ABR: variants seen among roughly 807,000 people sequenced by gnomAD.
ABR encodes ABR activator of RhoGEF and GTPase.
A neutral mutation model predicts 107.2 loss-of-function variants in ABR; 35 were observed. The observed-to-expected ratio is 0.33, with a 90% CI of 0.25 to 0.43. The LOEUF (loss-of-function observed/expected upper bound fraction) is 0.43, where lower values mean the gene tolerates loss of function less well. Among genes scored for constraint, ABR ranks in the 20% least tolerant of loss-of-function variants. The pLI is 1.00. For missense variants in ABR, 815 were observed against 1,115.2 expected, an observed-to-expected ratio of 0.73 and a Z score of 3.83; for synonymous variants, 498 against 462.0, an observed-to-expected ratio of 1.08 and a Z score of -1.00.
chr17:1,228,986 C>T (rs1015201321), exon 1 of ABR: 3 of 151,634 alleles, frequency 2.0e-5, no homozygotes, highest in Non-Finnish European at 4.4e-5. Flanking sequence ...CCTCGGCCTC[C>T]CGCTGCTCCA....
chr17:1,075,244 C>T (rs2035604052), intron 6 of ABR, among the ~76,000 whole-genome samples: 1 of 152,274 alleles, frequency 6.6e-6, no homozygotes, highest in African/African-American at 2.4e-5. Context: ...TTCAGTCCTG[C>T]ACCTGGATGC....
chr17:1,118,054 C>T (rs553353320), intron 2 of ABR, among the ~76,000 whole-genome samples: 1 of 40,362 alleles, frequency 2.5e-5, no homozygotes, highest in African/African-American at 1.2e-4. Flanking sequence ...TTCCTCCCAG[C>T]GTTATCCCTG....
chr17:1,048,294 T>C (rs983515895), intron 16 of ABR, among the ~76,000 whole-genome samples: 1 of 152,218 alleles, frequency 6.6e-6, no homozygotes, highest in South Asian at 2.1e-4. Context: ...ACGGGGCGTA[T>C]GCGGCAGAGG....
intron 16 of ABR, among the ~76,000 whole-genome samples, chr17:1,033,802 T>A (rs1019015634): frequency 5.9e-5 from 9 of 152,014 alleles, no homozygotes; most frequent in African/African-American, 2.2e-4. Flanking sequence ...GGAACATGCC[T>A]GTGTCCCCTA....
chr17:1,023,592 C>G (rs1483322575), intron 16 of ABR, among the ~76,000 whole-genome samples: 1 of 152,210 alleles, frequency 6.6e-6, no homozygotes, highest in Non-Finnish European at 1.5e-5. Flanking sequence ...AAAGGGGCGC[C>G]CTCAGAGGTC....
chr17:1,155,216 A>G (rs58372168), intron 1 of ABR, among the ~76,000 whole-genome samples: 232 of 152,216 alleles, frequency 1.5e-3, no homozygotes, highest in African/African-American at 5.4e-3. Flanking sequence ...AGACACACAG[A>G]TCCACGGAGT....
At chr17:1,053,999 G>T (rs1280399688) in intron 14 of ABR, among the ~76,000 whole-genome samples, 1 of 152,184 alleles carries the variant, frequency 6.6e-6, no homozygotes, top group Non-Finnish European at 1.5e-5. Flanking sequence ...GGTGTTCCCG[G>T]CCAGACATCG....
chr17:1,067,031 C>T (rs374747993), intron 10 of ABR, 46 bp downstream of exon 10: 6 of 1,600,796 alleles, frequency 3.7e-6, no homozygotes, highest in Non-Finnish European at 3.4e-6. Context: ...TCCCCCAACA[C>T]AGCTGGCTCA....
intron 16 of ABR, among the ~76,000 whole-genome samples, chr17:1,021,530 G>T (rs576382934): frequency 0.024 from 3,681 of 152,342 alleles, 66 homozygotes; most frequent in Non-Finnish European, 0.033. Flanking sequence ...CTTCAGCCAG[G>T]TGCGGTGGCT....
chr17:1,062,592 G>A (rs1221894751), intron 10 of ABR, among the ~76,000 whole-genome samples: 1 of 137,870 alleles, frequency 7.3e-6, no homozygotes, highest in Non-Finnish European at 1.6e-5. Flanking sequence ...TGTGAACTGA[G>A]GGTTATGCAT....
chr17:1,008,620 T>A (rs1344917745), intron 21 of ABR, among the ~76,000 whole-genome samples: 1 of 152,154 alleles, frequency 6.6e-6, no homozygotes, highest in Non-Finnish European at 1.5e-5. Context: ...TGTTTCATGA[T>A]GGGAAAAACA....
chr17:1,186,588 G>A (rs879894535), intron 1 of ABR, among the ~76,000 whole-genome samples: 2 of 152,216 alleles, frequency 1.3e-5, no homozygotes, highest in Non-Finnish European at 2.9e-5. Flanking sequence ...AGGGGCCACA[G>A]CAAGGGCAGC....
exon 1 of ABR, among the ~76,000 whole-genome samples, chr17:1,229,669 C>T (rs977754759): frequency 5.3e-5 from 8 of 152,042 alleles, no homozygotes; most frequent in African/African-American, 1.9e-4. Flanking sequence ...CCCCGCGGCC[C>T]CCGAAGAGAC....
intron 1 of ABR, among the ~76,000 whole-genome samples, chr17:1,220,067 G>A (rs1344230521): frequency 1.3e-5 from 2 of 148,946 alleles, no homozygotes; most frequent in African/African-American, 2.4e-5. Context: ...GGAGGCGGGC[G>A]GATCACGAGG....
intron 3 of ABR, among the ~76,000 whole-genome samples, chr17:1,093,603 G>C (rs773948974): frequency 6.6e-6 from 1 of 152,164 alleles, no homozygotes; most frequent in Non-Finnish European, 1.5e-5. Context: ...TTTCCGACAA[G>C]AGAAGCATTC....
rs957603245 is a variant in ABR at position 1,071,822 on chromosome 17, T to C, written c.894+792A>G. ...CCTCCAGACAGTCCCAGGTGAGGAA[T>C]CCAGCTCTGACACCAGTGGCTGAAA... On this transcript the variant is annotated intron_variant, in intron 8 of 22. Transcript: ENST00000302538. This position sits in a 1 kb window ranked among gnomAD's most constrained non-coding sequence, Gnocchi z 5.1. Among the ~76,000 whole-genome samples, 1 of 152,220 alleles carries C rather than the reference T, an allele frequency of 6.6e-6. No homozygotes were observed. The highest frequency in any genetic ancestry group is 1.5e-5 in the Non-Finnish European group (1 of 68,028).
intron 5 of ABR, among the ~76,000 whole-genome samples, chr17:1,081,211 G>A (rs537070684): frequency 2.9e-4 from 44 of 152,314 alleles, no homozygotes; most frequent in African/African-American, 8.4e-4. Flanking sequence ...GCTGGAAACC[G>A]CAGGGAAAGC....
Position 1,009,797 on chromosome 17 carries a change from A to G in ABR, c.2237-13T>C. The G allele has an allele frequency of 6.2e-7, 1 of 1,611,752 alleles. No individual in the cohort carries two copies. The highest frequency in any genetic ancestry group is 8.5e-7 in the Non-Finnish European group (1 of 1,178,120). On this transcript the variant is annotated splice_polypyrimidine_tract_variant and intron_variant, in intron 20 of 22. Coordinates refer to ENST00000302538, the MANE Select transcript of ABR (RefSeq NM_021962.5). ...GGGTCTGACAGGGCTGTGGGAGAGA[A>G]GGGCCAGTGTGGCGTTTGGCTCCTG...
intron 6 of ABR, among the ~76,000 whole-genome samples, chr17:1,073,948 C>T (rs1383983184): frequency 7.2e-6 from 1 of 139,642 alleles, no homozygotes; most frequent in East Asian, 2.6e-4. Context: ...GAGAGCCGCC[C>T]CGCCCCCCTC....
Sources: gnomAD v4.1 joint callset for allele counts (sites outside exome capture counted in the v4.1 genomes callset) on GRCh38, gnomAD v4.1.1 for gene constraint, Gnocchi (gnomAD v3.1) non-coding constraint, MANE v1.5 for transcripts, NCBI Gene and HGNC (gene_info 2026-07-23, HGNC 2026-07-21) for gene names.